Variants in HSD17B11 observed in about 807,000 individuals in gnomAD.
The protein encoded by HSD17B11 is estradiol 17-beta-dehydrogenase 11.
HSD17B11 carries 22 observed loss-of-function variants against 27.8 expected under a neutral mutation model. The ratio of observed to expected loss-of-function variants is 0.79; its 90% CI spans 0.56 to 1.13. The LOEUF is 1.13. HSD17B11 is among the 50% of genes most tolerant of loss of function. The probability of loss-of-function intolerance (pLI) is 0.00; values close to 1 mark genes in which losing one functional copy is unlikely to be tolerated. For synonymous variants in HSD17B11, 117 were observed against 132.8 expected (o/e 0.88, Z 0.82); for missense variants, 314 against 351.1 (o/e 0.89, Z 0.84).
chr4:87,383,738 A>C (rs1214307120), intron 1 of HSD17B11, among the ~76,000 whole-genome samples: 1 of 121,772 alleles, frequency 8.2e-6, no homozygotes, highest in Non-Finnish European at 1.7e-5. Context: ...CTTTTGGCCA[A>C]TTTTTGCCTT....
chr4:87,355,446 T>A (rs1385534277), intron 5 of HSD17B11, among the ~76,000 whole-genome samples: 1 of 151,122 alleles, frequency 6.6e-6, no homozygotes, highest in Non-Finnish European at 1.5e-5. Flanking sequence ...CTAAAGTCCA[T>A]GAGAAAAAAA....
At chr4:87,379,484 T>G (rs1560769973) in intron 2 of HSD17B11, among the ~76,000 whole-genome samples, 1 of 147,030 alleles carries the variant, frequency 6.8e-6, no homozygotes, top group Non-Finnish European at 1.5e-5. Context: ...TATATTTATA[T>G]TATATAATAT....
At position 87,357,410 on chromosome 4, in the gene HSD17B11, G is replaced by T. The variant is rs756283028; in HGVS notation, c.564C>A (p.Ser188Arg). Residue 188 changes from serine to arginine, a missense_variant, in exon 5 of 7, where the codon AGC (serine) becomes AGA (arginine). Physicochemically the swap from Ser to Arg is moderately radical, Grantham distance 110 (BLOSUM62 -1). Coordinates refer to ENST00000358290, the MANE Select transcript of HSD17B11 (RefSeq NM_016245.5). ...TATGAAATCCAACAGCAGCAAACTT[G>T]CTTGAACTGAAAATAGAGAGTTTAC... ...SVPFLLAYCS[S>R]KFAAVGFHKT... is the part of the protein sequence containing the mutation. 21 of 1,606,698 alleles carry T rather than the reference G, an allele frequency of 1.3e-5. No homozygotes were observed. The highest frequency in any genetic ancestry group is 1.5e-5 in the Non-Finnish European group (18 of 1,178,198).
chr4:87,388,289 A>G (rs1720371406), intron 1 of HSD17B11, among the ~76,000 whole-genome samples: 6 of 152,120 alleles, frequency 3.9e-5, no homozygotes, highest in Admixed American at 3.9e-4. Flanking sequence ...TTTTCTTCAT[A>G]CTAAGTCTGC....
intron 4 of HSD17B11, among the ~76,000 whole-genome samples, chr4:87,372,103 C>T (rs937931809): frequency 2.6e-5 from 4 of 151,926 alleles, no homozygotes; most frequent in African/African-American, 7.3e-5. Context: ...AGTAGCCAGG[C>T]GTGGTGGCAG....
chr4:87,375,695 C>T (rs1011590950), intron 2 of HSD17B11, among the ~76,000 whole-genome samples: 2 of 152,156 alleles, frequency 1.3e-5, no homozygotes, highest in Non-Finnish European at 2.9e-5. Context: ...GAGCTGAGAT[C>T]GCGCCATCGC....
chr4:87,375,057 C>CACA (rs1188925982), intron 2 of HSD17B11, among the ~76,000 whole-genome samples: 13 of 152,208 alleles, frequency 8.5e-5, no homozygotes, highest in South Asian at 4.2e-4. Context: ...CCACGCCACA[C>CACA]CTGGCTAATT....
intron 5 of HSD17B11, among the ~76,000 whole-genome samples, chr4:87,356,030 G>A (rs75381738): frequency 0.034 from 5,173 of 152,196 alleles, 322 homozygotes; most frequent in African/African-American, 0.12. Flanking sequence ...AATCATATGC[G>A]AACATGAATG....
Position 87,378,966 on chromosome 4 carries a change from T to A in HSD17B11, c.318+3289A>T, listed in dbSNP as rs1476520023. ...TATATATTTATATATATATATTTTT[T>A]TTTTTTTTTGAGATGGTGTCTTGCT... On this transcript the variant is annotated intron_variant, in intron 2 of 6. Coordinates refer to ENST00000358290, the MANE Select transcript of HSD17B11 (RefSeq NM_016245.5). 2.0e-4 allele frequency among the ~76,000 whole-genome samples: 17 copies of A among 84,952 alleles called. 1 individual carries two copies. The highest frequency in any genetic ancestry group is 7.4e-4 in the South Asian group (2 of 2,720). The allele number at this position is 84,952 out of a possible 152,430, so 55.7% of individuals were successfully genotyped here. A position where few individuals can be genotyped will look rare whatever the true frequency, so the allele number is the denominator to read the frequency against.
intron 1 of HSD17B11, among the ~76,000 whole-genome samples, chr4:87,382,831 C>T (rs559861981): frequency 4.5e-4 from 68 of 152,172 alleles, no homozygotes; most frequent in African/African-American, 1.5e-3. Flanking sequence ...ATTCACTGAG[C>T]TTAGAAAAAC....
At chr4:87,353,504 C>T (rs897348471) in intron 5 of HSD17B11, among the ~76,000 whole-genome samples, 2 of 152,176 alleles carry the variant, frequency 1.3e-5, no homozygotes, top group African/African-American at 4.8e-5. Flanking sequence ...CCAGCTTAGC[C>T]TCAAAGAGGT....
chr4:87,372,569 AT>A (rs1274857842), intron 4 of HSD17B11, 139 bp downstream of exon 4: 3 of 594,850 alleles, frequency 5.0e-6, no homozygotes, highest in Non-Finnish European at 9.0e-6. Context: ...CTTTCTGCTT[AT>A]TTTTTGACAA....
chr4:87,378,702 A>G (rs1313431342), intron 2 of HSD17B11, among the ~76,000 whole-genome samples: 1 of 143,346 alleles, frequency 7.0e-6, no homozygotes, highest in African/African-American at 2.7e-5. Context: ...TCTGGTAACC[A>G]TCCTTCTACT....
chr4:87,376,260 T>C (rs1357254486), intron 2 of HSD17B11, among the ~76,000 whole-genome samples: 1 of 152,038 alleles, frequency 6.6e-6, no homozygotes, highest in Non-Finnish European at 1.5e-5. Flanking sequence ...AATCCCAGCA[T>C]TTGGGAGGCC....
chr4:87,379,564 T>C (rs9684778), intron 2 of HSD17B11, among the ~76,000 whole-genome samples: 46,801 of 145,380 alleles, frequency 0.32, 8,132 homozygotes, highest in African/African-American at 0.41. Flanking sequence ...CATCTACATA[T>C]ACATCTCATA....
chr4:87,370,755 A>ATTATTATTTTTTT (rs70957229), intron 4 of HSD17B11, among the ~76,000 whole-genome samples: 1 of 57,534 alleles, frequency 1.7e-5, no homozygotes, highest in East Asian at 4.1e-4. Context: ...TATTATTATT[A>ATTATTATTTTTTT]TTTTTTTTTT....
chr4:87,356,987 C>T (rs369213442), intron 5 of HSD17B11, among the ~76,000 whole-genome samples: 2 of 152,138 alleles, frequency 1.3e-5, no homozygotes, highest in African/African-American at 4.8e-5. Context: ...CCAAGCACAC[C>T]TGGTGACATG....
chr4:87,360,844 A>G (rs574833508), intron 4 of HSD17B11, among the ~76,000 whole-genome samples: 1 of 152,368 alleles, frequency 6.6e-6, no homozygotes, highest in South Asian at 2.1e-4. Flanking sequence ...AACTAGTGGC[A>G]CGTATGTGCA....
Position 87,391,098 on chromosome 4 carries a change from T to TG in HSD17B11, c.-29dup, listed in dbSNP as rs1720449077. On this transcript the variant is annotated 5_prime_UTR_variant, in exon 1 of 7. Transcript: ENST00000358290. ...CTTTTGTGGCTGCGAGCGTTTGGTGTGTTTTTTTTTTTTTTTACCACTCTA... is the reference window on the plus strand; with the variant it reads ...CTTTTGTGGCTGCGAGCGTTTGGTGTGGTTTTTTTTTTTTTTTACCACTCTA... 3.3e-6 allele frequency: 5 copies of TG among 1,504,884 alleles called. No individual in the cohort carries two copies. The highest frequency in any genetic ancestry group is 1.8e-4 in the Middle Eastern group (1 of 5,574). The allele number at this position is 1,504,884 out of a possible 1,614,324, so 93.2% of individuals were successfully genotyped here. A position where few individuals can be genotyped will look rare whatever the true frequency, so the allele number is the denominator to read the frequency against.
Sources: gnomAD v4.1 joint callset for allele counts (sites outside exome capture counted in the v4.1 genomes callset) on GRCh38, gnomAD v4.1.1 for gene constraint, MANE v1.5 for transcripts, NCBI Gene and HGNC (gene_info 2026-07-23, HGNC 2026-07-21) for gene names.